Variants in CREBBP observed in about 807,000 individuals in gnomAD.
The protein encoded by CREBBP is CREB-binding protein.
Under a neutral mutation model 265.0 loss-of-function variants are expected in CREBBP, and 19 were observed. The observed-to-expected ratio is 0.07, with a 90% CI of 0.05 to 0.11. The LOEUF is 0.11. Ranked by LOEUF, CREBBP falls within the 10% of genes least tolerant of loss-of-function variation. The probability of loss-of-function intolerance (pLI) is 1.00; values close to 1 mark genes in which losing one functional copy is unlikely to be tolerated. For missense variants in CREBBP, 2,525 were observed against 3,219.0 expected (o/e 0.78, Z 5.22); for synonymous variants, 1,457 against 1,223.7 (o/e 1.19, Z -3.98).
At chr16:3,808,736 C>G (rs1362212716) in intron 3 of CREBBP, among the ~76,000 whole-genome samples, 1 of 152,198 alleles carries the variant, frequency 6.6e-6, no homozygotes, top group East Asian at 1.9e-4. Context: ...AATGTTAGGT[C>G]AGGGTTTCCC....
intron 13 of CREBBP, among the ~76,000 whole-genome samples, chr16:3,773,023 G>A (rs950627881): frequency 6.6e-6 from 1 of 151,904 alleles, no homozygotes; most frequent in African/African-American, 2.4e-5. Context: ...GGGAGGCGGA[G>A]GTTGCAGAGC....
At chr16:3,864,455 G>C (rs1260566690) in intron 1 of CREBBP, among the ~76,000 whole-genome samples, 1 of 152,056 alleles carries the variant, frequency 6.6e-6, no homozygotes, top group Non-Finnish European at 1.5e-5. Context: ...GACCAGCCTG[G>C]GCAACATAGC....
intron 2 of CREBBP, among the ~76,000 whole-genome samples, chr16:3,844,920 G>A (rs373670078): frequency 5.3e-5 from 8 of 152,146 alleles, no homozygotes; most frequent in African/African-American, 1.9e-4. Flanking sequence ...ACCATACTAT[G>A]CTTCCAAGCA....
In CREBBP at chr16:3,767,848, T is replaced by G. The variant is rs1215871211; in HGVS notation, c.3122A>C (p.Gln1041Pro). The G allele has an allele frequency of 6.2e-7, 1 of 1,614,268 alleles. No individual in the cohort carries two copies. ...QVKEETDIAE[Q>P]KSEPMEVDEK... ...ATCCACTTCCATTGGTTCTGATTTC[T>G]GCTCTGCTATGTCTGTTTCTTCTTT... The change falls in exon 16 of 31, where the codon CAG becomes CCG. Residue 1041 changes from glutamine (Q) to proline (P), a missense_variant. Physicochemically the swap from Gln to Pro is moderately conservative, Grantham distance 76. Around this residue, in one of 19 missense-constraint regions of CREBBP, gnomAD observed 548 missense variants for 533.0 expected, o/e 1.03. Coordinates refer to ENST00000262367, the MANE Select transcript of CREBBP (RefSeq NM_004380.3).
At position 3,736,764 on chromosome 16, in the gene CREBBP, G is replaced by A. The variant is rs770813392; in HGVS notation, c.4446C>T (p.Tyr1482=). The change falls in exon 27 of 31, where the codon TAC becomes TAT. Residue 1482 remains tyrosine, a synonymous_variant. Transcript: ENST00000262367. The part of the protein sequence containing the change: ...WACPPSEGDD[Y]IFHCHPPDQK... ...GATCAGGTGGGTGGCAATGGAAGATGTAATCATCTCCTTCACTTGGAGGAC... is the reference window on the plus strand; with the variant it reads ...GATCAGGTGGGTGGCAATGGAAGATATAATCATCTCCTTCACTTGGAGGAC... 1.2e-6 allele frequency: 2 copies of A among 1,613,688 alleles called. No homozygotes were observed. The highest frequency in any genetic ancestry group is 1.7e-5 in the Admixed American group (1 of 60,006).
Position 3,794,144 on chromosome 16 carries a change from G to A in CREBBP, c.976-518C>T, listed in dbSNP as rs190866442. Among the ~76,000 whole-genome samples the A allele has an allele frequency of 1.5e-3, 228 of 151,982 alleles. 1 individual carries two copies. Among genetic ancestry groups the A allele is most frequent in the Admixed American group, 2.3e-3 (35 of 15,268 alleles). On this transcript the variant is annotated intron_variant, in intron 3 of 30. Transcript: ENST00000262367. ...AGATCGGGACCACCCTGGCTAACAC[G>A]ATGAGACCTCATCTCTACTAAAAAA...
chr16:3,817,079 A>C (rs1344643112), intron 2 of CREBBP, among the ~76,000 whole-genome samples: 1 of 152,208 alleles, frequency 6.6e-6, no homozygotes, highest in East Asian at 1.9e-4. Flanking sequence ...CCATGCTGAA[A>C]AGTCGGGCAG....
intron 3 of CREBBP, among the ~76,000 whole-genome samples, chr16:3,802,311 T>C (rs947572656): frequency 6.6e-6 from 1 of 151,798 alleles, no homozygotes; most frequent in African/African-American, 2.4e-5. Context: ...TTTGTATTTT[T>C]AGTAGAGACG....
chr16:3,833,411 C>A (rs147006492), intron 2 of CREBBP, among the ~76,000 whole-genome samples: 125 of 152,158 alleles, frequency 8.2e-4, no homozygotes, highest in African/African-American at 2.8e-3. Flanking sequence ...GAGTCCATCT[C>A]AAAAGAAACC....
At chr16:3,819,780 A>G (rs759075578) in intron 2 of CREBBP, among the ~76,000 whole-genome samples, 2 of 152,214 alleles carry the variant, frequency 1.3e-5, no homozygotes, top group African/African-American at 2.4e-5. Flanking sequence ...CAATAATGAC[A>G]TATGATTAAA....
rs1317878248 is a variant in CREBBP at position 3,725,339 on chromosome 16, A to G, written c.*2379T>C. 3 of 233,134 alleles carry G rather than the reference A, an allele frequency of 1.3e-5. No homozygotes were observed. Among genetic ancestry groups the G allele is most frequent in the African/African-American group, 2.2e-5 (1 of 45,340 alleles). 14.4% of individuals were successfully genotyped at this position (233,134 alleles called of 1,614,324 possible). On this transcript the variant is annotated 3_prime_UTR_variant, in exon 31 of 31. Transcript: ENST00000262367. ...ATGAGGTTGGTACATAACGTTTTGAATTCCAGGATAACCTGAAACAGAGGC... is the reference window on the plus strand; with the variant it reads ...ATGAGGTTGGTACATAACGTTTTGAGTTCCAGGATAACCTGAAACAGAGGC...
At position 3,727,167 on chromosome 16, in the gene CREBBP, C is replaced by T. The variant is rs973851347; in HGVS notation, c.*551G>A. On this transcript the variant is annotated 3_prime_UTR_variant, in exon 31 of 31. Transcript: ENST00000262367. ...GTGTGGGTGTGTACGTGTGTGCACG[C>T]CGGAGTCAATTCCTATCATCCAGGG... 18 of 242,576 alleles carry T rather than the reference C, an allele frequency of 7.4e-5. No individual in the cohort carries two copies. The highest frequency in any genetic ancestry group is 1.4e-4 in the Non-Finnish European group (17 of 123,894). 15.0% of individuals were successfully genotyped at this position (242,576 alleles called of 1,614,324 possible).
At chr16:3,857,179 G>A (rs2141528076) in intron 1 of CREBBP, among the ~76,000 whole-genome samples, 1 of 152,242 alleles carries the variant, frequency 6.6e-6, no homozygotes, top group East Asian at 1.9e-4. Context: ...AAGTTTCAAA[G>A]TTGTAAGCAG....
chr16:3,793,697 TCAAA>T, intron 3 of CREBBP, 71 bp from the exon 4 acceptor site: 2 of 1,551,868 alleles, frequency 1.3e-6, no homozygotes, highest in Non-Finnish European at 1.7e-6. Context: ...TAATTATTTC[TCAAA>T]CAAAAGCAAA....
chr16:3,862,003 A>T (rs2141548689), intron 1 of CREBBP, among the ~76,000 whole-genome samples: 1 of 152,276 alleles, frequency 6.6e-6, no homozygotes, highest in East Asian at 1.9e-4. Context: ...TCCCCAGGAG[A>T]AGGAAGCGAG....
At chr16:3,827,772 C>A (rs1162221326) in intron 2 of CREBBP, among the ~76,000 whole-genome samples, 1 of 152,070 alleles carries the variant, frequency 6.6e-6, no homozygotes, top group Non-Finnish European at 1.5e-5. Flanking sequence ...CTGACTACAG[C>A]CCCGGCCTCC....
intron 11 of CREBBP, 108 bp downstream of exon 11, chr16:3,777,505 A>G: frequency 8.4e-7 from 1 of 1,192,218 alleles, no homozygotes; most frequent in Non-Finnish European, 1.3e-6. Flanking sequence ...AAGGAATGGA[A>G]AGAAGAAAGG....
At chr16:3,876,799 T>G (rs1473456203) in intron 1 of CREBBP, among the ~76,000 whole-genome samples, 1 of 152,210 alleles carries the variant, frequency 6.6e-6, no homozygotes, top group Non-Finnish European at 1.5e-5. Flanking sequence ...TATTTCTGCA[T>G]CATCTCTGCA....
chr16:3,856,304 T>A (rs879568371), intron 1 of CREBBP, among the ~76,000 whole-genome samples: 11 of 152,160 alleles, frequency 7.2e-5, no homozygotes, highest in Non-Finnish European at 1.3e-4. Context: ...TTTATTTTAT[T>A]TTTAATTAAT....
Sources: gnomAD v4.1 joint callset for allele counts (sites outside exome capture counted in the v4.1 genomes callset) on GRCh38, gnomAD v4.1.1 for gene constraint, gnomAD v4.1.1 regional missense constraint, MANE v1.5 for transcripts, NCBI Gene and HGNC (gene_info 2026-07-23, HGNC 2026-07-21) for gene names.